The following CSMD1 variants were observed in gnomAD, a reference collection of about 807,000 sequenced individuals.
The protein encoded by CSMD1 is CUB and sushi domain-containing protein 1.
CSMD1 carries 213 observed loss-of-function variants against 417.5 expected under a neutral mutation model. That is an observed-to-expected ratio of 0.51 (90% CI 0.46 to 0.57). The LOEUF (loss-of-function observed/expected upper bound fraction) is 0.57. Ranked by LOEUF, CSMD1 falls within the 20% of genes least tolerant of loss-of-function variation. CSMD1 has a pLI of 0.00. For synonymous variants in CSMD1, 2,862 were observed against 1,736.8 expected (o/e 1.65, Z -16.11); for missense variants, 6,923 against 4,529.7 (o/e 1.53, Z -15.17).
chr8:3,319,897 A>T (rs1013059872), intron 23 of CSMD1, among the ~76,000 whole-genome samples: 2 of 152,138 alleles, frequency 1.3e-5, no homozygotes, highest in Non-Finnish European at 2.9e-5. Context: ...CAAATTGATG[A>T]CTCATTAAAA....
At chr8:3,299,567 T>TGAAAG (rs1804233870) in intron 25 of CSMD1, among the ~76,000 whole-genome samples, 1 of 151,618 alleles carries the variant, frequency 6.6e-6, no homozygotes. Context: ...GTCTGGCAGA[T>TGAAAG]AAAAGCACGC....
chr8:4,267,146 A>G (rs576242557), intron 3 of CSMD1, among the ~76,000 whole-genome samples: 2 of 103,500 alleles, frequency 1.9e-5, no homozygotes, highest in African/African-American at 2.6e-5. Flanking sequence ...TTAAATAAGT[A>G]TAATTATTTG....
At chr8:3,758,355 G>C (rs918232799) in intron 5 of CSMD1, among the ~76,000 whole-genome samples, 4 of 152,188 alleles carry the variant, frequency 2.6e-5, no homozygotes, top group African/African-American at 9.7e-5. Flanking sequence ...CAAATGAATT[G>C]TACCCCGAAG....
chr8:3,988,377 C>G (rs1011271268), intron 5 of CSMD1, among the ~76,000 whole-genome samples: 5 of 152,072 alleles, frequency 3.3e-5, no homozygotes, highest in Admixed American at 2.6e-4. Context: ...GGAGGAAAAC[C>G]TGAAATTATT....
At chr8:4,576,082 C>G (rs1458149996) in intron 2 of CSMD1, among the ~76,000 whole-genome samples, 1 of 152,220 alleles carries the variant, frequency 6.6e-6, no homozygotes, top group Non-Finnish European at 1.5e-5. Flanking sequence ...CTCCACATGC[C>G]AGCATAATTG....
At chr8:4,149,123 C>A (rs919679347) in intron 3 of CSMD1, among the ~76,000 whole-genome samples, 53 of 152,054 alleles carry the variant, frequency 3.5e-4, no homozygotes, top group Non-Finnish European at 5.1e-4. Flanking sequence ...ACCACCACAC[C>A]CAGCTAATTT....
At chr8:4,390,656 G>C (rs1291613544) in intron 3 of CSMD1, among the ~76,000 whole-genome samples, 1 of 152,092 alleles carries the variant, frequency 6.6e-6, no homozygotes. Context: ...TGGGACGACA[G>C]GCACCCCCCA....
At chr8:3,605,496 A>T (rs1230244667) in intron 8 of CSMD1, among the ~76,000 whole-genome samples, 1 of 152,254 alleles carries the variant, frequency 6.6e-6, no homozygotes, top group Non-Finnish European at 1.5e-5. Flanking sequence ...AAAAATTAAG[A>T]TAACTGAATG....
chr8:4,036,856 G>T (rs1472133753), intron 3 of CSMD1, among the ~76,000 whole-genome samples: 1 of 152,186 alleles, frequency 6.6e-6, no homozygotes, highest in Non-Finnish European at 1.5e-5. Flanking sequence ...TACCATCTCT[G>T]CATGAGGTAT....
At position 4,243,758 on chromosome 8, in the gene CSMD1, C is replaced by T. The variant is rs76219588; in HGVS notation, c.415+176195G>A. On this transcript the variant is annotated intron_variant, in intron 3 of 69. Coordinates refer to ENST00000635120, the MANE Select transcript of CSMD1 (RefSeq NM_033225.6). The stretch of plus-strand genomic sequence containing the variant: ...AAGAACACTCATTTTGCCGTGTCAT[C>T]ATTCTAGTATTCAACGAGGAAAGAA... Among the ~76,000 whole-genome samples the T allele has an allele frequency of 0.016, 2,444 of 152,284 alleles. 106 individuals carry two copies. The East Asian group carries it at 0.19, about 12-fold the overall frequency.
chr8:4,637,445 G>T lies in CSMD1; in HGVS notation c.199C>A (p.Arg67Ser), dbSNP rs753420644. ...TGGAAGGACAACTGTATCCTATTGCGCTCGCCCGTGATGATGATCCAGGTG... is the reference window on the plus strand; with the variant it reads ...TGGAAGGACAACTGTATCCTATTGCTCTCGCCCGTGATGATGATCCAGGTG... ...NCTWIIITGE[R>S]NRIQLSFHTF... The change falls in exon 2 of 70, where the codon CGC (arginine) becomes AGC (serine). Residue 67 changes from arginine to serine, a missense_variant. Arg to Ser is a moderately radical substitution (Grantham distance 110, BLOSUM62 -1). Coordinates refer to ENST00000635120, the MANE Select transcript of CSMD1 (RefSeq NM_033225.6). 32 of 1,613,560 alleles carry T rather than the reference G, an allele frequency of 2.0e-5. No individual in the cohort carries two copies. The highest frequency in any genetic ancestry group is 2.6e-5 in the Non-Finnish European group (31 of 1,179,838).
At chr8:3,759,947 G>A (rs990015628) in intron 5 of CSMD1, among the ~76,000 whole-genome samples, 1 of 150,720 alleles carries the variant, frequency 6.6e-6, no homozygotes, top group African/African-American at 2.4e-5. Context: ...GGAAATAATG[G>A]TAGTGATCAA....
chr8:3,096,151 T>A (rs1399604932), intron 47 of CSMD1, among the ~76,000 whole-genome samples: 1 of 152,184 alleles, frequency 6.6e-6, no homozygotes, highest in African/African-American at 2.4e-5. Flanking sequence ...TAAATCACTG[T>A]GTTAAAAAAA....
chr8:4,457,220 A>G (rs1038945638), intron 2 of CSMD1, among the ~76,000 whole-genome samples: 5 of 152,026 alleles, frequency 3.3e-5, no homozygotes, highest in Admixed American at 6.6e-5. Context: ...GAAGGGGGGA[A>G]CTCATCTTTC....
rs1057165066 is a variant in CSMD1, at chr8:3,749,593, T to A, written c.931+4337A>T. Among the ~76,000 whole-genome samples, 33 of 152,286 alleles carry A rather than the reference T, an allele frequency of 2.2e-4. 1 individual carries two copies. The highest frequency in any genetic ancestry group is 7.5e-4 in the African/African-American group (31 of 41,560). ...TTATTTGACCAAGAAAAGCACCAAG[T>A]TAAAAAGAATATATTATTTGTCTTT... On this transcript the variant is annotated intron_variant, in intron 6 of 69. Transcript: ENST00000635120.
intron 1 of CSMD1, among the ~76,000 whole-genome samples, chr8:4,929,662 A>T (rs1807108972): frequency 6.6e-6 from 1 of 152,184 alleles, no homozygotes; most frequent in South Asian, 2.1e-4. Context: ...ACATCATTCT[A>T]CACATCTCCC....
At chr8:4,706,588 G>C (rs1300505524) in intron 1 of CSMD1, among the ~76,000 whole-genome samples, 1 of 152,176 alleles carries the variant, frequency 6.6e-6, no homozygotes, top group Non-Finnish European at 1.5e-5. Context: ...GTTTAAATTA[G>C]TTCAACTATT....
chr8:4,632,857 G>A (rs781644250), intron 2 of CSMD1, among the ~76,000 whole-genome samples: 1 of 152,178 alleles, frequency 6.6e-6, no homozygotes, highest in African/African-American at 2.4e-5. Flanking sequence ...AGAGGGAGAG[G>A]CCGGGAATAA....
intron 11 of CSMD1, among the ~76,000 whole-genome samples, chr8:3,469,463 G>A (rs1319803280): frequency 6.6e-6 from 1 of 152,186 alleles, no homozygotes; most frequent in African/African-American, 2.4e-5. Context: ...CACACCAAAT[G>A]TGAGTTTCAA....
Sources: allele counts gnomAD v4.1 joint callset (sites outside exome capture counted in the v4.1 genomes callset), GRCh38; gene constraint gnomAD v4.1.1; transcripts MANE v1.5; gene names NCBI Gene and HGNC (gene_info 2026-07-23, HGNC 2026-07-21).